The following FBXL17 variants were observed in gnomAD, a reference collection of about 807,000 sequenced individuals.
The protein encoded by FBXL17 is F-box and leucine rich repeat protein 17, also known as F-box/LRR-repeat protein 17.
Under a neutral mutation model 66.2 loss-of-function variants are expected in FBXL17, and 22 were observed. The observed-to-expected ratio is 0.33, with a 90% CI of 0.24 to 0.47. The LOEUF is 0.47. Ranked by LOEUF, FBXL17 falls within the 20% of genes least tolerant of loss-of-function variation. FBXL17 has a pLI of 1.00. For synonymous variants in FBXL17, 474 were observed against 400.5 expected, an observed-to-expected ratio of 1.18 and a Z score of -2.19; for missense variants, 878 against 948.2, an observed-to-expected ratio of 0.93 and a Z score of 0.97.
chr5:108,024,285 A>G (rs1424230217), intron 6 of FBXL17, among the ~76,000 whole-genome samples: 3 of 152,208 alleles, frequency 2.0e-5, no homozygotes, highest in Admixed American at 6.6e-5. Flanking sequence ...GCTGAGGAAT[A>G]TCAAATACTT....
chr5:108,369,358 C>A (rs1748880315), intron 1 of FBXL17, among the ~76,000 whole-genome samples: 1 of 152,188 alleles, frequency 6.6e-6, no homozygotes, highest in South Asian at 2.1e-4. Flanking sequence ...TCTCATGTCT[C>A]CCTAAAATGT....
At chr5:108,012,506 G>A (rs1754213810) in intron 7 of FBXL17, among the ~76,000 whole-genome samples, 1 of 152,096 alleles carries the variant, frequency 6.6e-6, no homozygotes, top group Non-Finnish European at 1.5e-5. Flanking sequence ...AAATATGGCT[G>A]TCTGGATTTA....
At position 108,132,758 on chromosome 5, in the gene FBXL17, A is replaced by G. The variant is rs1162838834; in HGVS notation, c.1745+53359T>C. On this transcript the variant is annotated intron_variant, in intron 6 of 8. Transcript: ENST00000542267. ...ACTATGTAATAATGATGGTCTTACC[A>G]TACAAAGAAGTATCTGATTTCCCAG... Among the ~76,000 whole-genome samples, 12 of 152,294 alleles carry G rather than the reference A, an allele frequency of 7.9e-5. No individual in the cohort carries two copies. The East Asian group carries it at 2.3e-3, about 29-fold the overall frequency.
chr5:108,021,065 T>C (rs1754580331), intron 6 of FBXL17, 64 bp from the exon 7 acceptor site: 3 of 1,181,468 alleles, frequency 2.5e-6, no homozygotes, highest in African/African-American at 1.5e-5. Flanking sequence ...GGTTTGAATA[T>C]AATAGGAAGA....
chr5:108,252,141 T>C (rs1756382879), intron 4 of FBXL17, among the ~76,000 whole-genome samples: 1 of 152,120 alleles, frequency 6.6e-6, no homozygotes, highest in South Asian at 2.1e-4. Flanking sequence ...AGAGAACTTT[T>C]CCAATATTGG....
chr5:108,032,038 T>C (rs1474318566), intron 6 of FBXL17, among the ~76,000 whole-genome samples: 1 of 152,184 alleles, frequency 6.6e-6, no homozygotes, highest in African/African-American at 2.4e-5. Flanking sequence ...TCATTAATTA[T>C]TTGGATACAA....
chr5:108,221,561 T>C (rs1317102962), intron 5 of FBXL17, among the ~76,000 whole-genome samples: 2 of 152,144 alleles, frequency 1.3e-5, no homozygotes, highest in African/African-American at 4.8e-5. Context: ...TTTAGTGACA[T>C]CATGTATTAA....
At chr5:108,363,622 T>G (rs1748481078) in intron 3 of FBXL17, among the ~76,000 whole-genome samples, 1 of 151,972 alleles carries the variant, frequency 6.6e-6, no homozygotes, top group Non-Finnish European at 1.5e-5. Flanking sequence ...TCATAATACT[T>G]GATTAGCATA....
intron 5 of FBXL17, among the ~76,000 whole-genome samples, chr5:108,214,323 A>G (rs1054566441): frequency 4.0e-5 from 6 of 150,506 alleles, no homozygotes; most frequent in African/African-American, 1.5e-4. Flanking sequence ...GAATATTTTA[A>G]TTTTCATAAA....
In FBXL17 at chr5:107,946,255, TTATATATATATA is replaced by T. The variant is rs55643516; in HGVS notation, c.1823-65088_1823-65077del. On this transcript the variant is annotated intron_variant, in intron 7 of 8. Transcript: ENST00000542267. ...TATTATTACTTTTATCAATCTCATT[TTATATATATATA>T]TATATATATATATATATATATATAT... 5.5e-3 allele frequency among the ~76,000 whole-genome samples: 222 copies of T among 40,392 alleles called. 2 individuals carry two copies. The highest frequency in any genetic ancestry group is 0.012 in the African/African-American group (102 of 8,684). 26.5% of individuals were successfully genotyped at this position (40,392 alleles called of 152,430 possible).
At chr5:108,059,844 T>C (rs986181427) in intron 6 of FBXL17, among the ~76,000 whole-genome samples, 1 of 152,028 alleles carries the variant, frequency 6.6e-6, no homozygotes, top group African/African-American at 2.4e-5. Context: ...TTTATATGGA[T>C]AACTTGGGGG....
chr5:107,942,259 T>C (rs1359976547), intron 7 of FBXL17, among the ~76,000 whole-genome samples: 1 of 152,080 alleles, frequency 6.6e-6, no homozygotes, highest in Admixed American at 6.6e-5. Flanking sequence ...AAACAAAACT[T>C]TGTCCTCTTA....
At chr5:108,256,631 GAAGCTGTATTTTCTCCACCCAGACCC>G (rs1466361874) in intron 4 of FBXL17, among the ~76,000 whole-genome samples, 1 of 151,960 alleles carries the variant, frequency 6.6e-6, no homozygotes, top group East Asian at 1.9e-4. Flanking sequence ...AAATAAGGAT[GAAGCTGTATTTTCTCCACCCAGACCC>G]AACATATACA....
intron 7 of FBXL17, among the ~76,000 whole-genome samples, chr5:107,890,802 T>C (rs992123876): frequency 6.6e-6 from 1 of 152,122 alleles, no homozygotes; most frequent in African/African-American, 2.4e-5. Flanking sequence ...AAAAGTATTT[T>C]GATAGTGAAG....
chr5:108,025,825 T>G (rs889561964), intron 6 of FBXL17, among the ~76,000 whole-genome samples: 8 of 151,760 alleles, frequency 5.3e-5, no homozygotes, highest in Non-Finnish European at 1.2e-4. Flanking sequence ...ACAGTCCAAT[T>G]CCATGCTGCA....
intron 7 of FBXL17, among the ~76,000 whole-genome samples, chr5:107,909,819 G>A (rs2112545047): frequency 6.6e-6 from 1 of 152,278 alleles, no homozygotes; most frequent in South Asian, 2.1e-4. Context: ...CACTCTTGAA[G>A]CACTGGGATC....
intron 4 of FBXL17, among the ~76,000 whole-genome samples, chr5:108,257,708 G>C (rs1410890575): frequency 6.6e-6 from 1 of 152,078 alleles, no homozygotes; most frequent in African/African-American, 2.4e-5. Flanking sequence ...GAATTCTCAT[G>C]CCAAAATATG....
chr5:108,183,095 C>T (rs2150028635), intron 6 of FBXL17, among the ~76,000 whole-genome samples: 1 of 131,254 alleles, frequency 7.6e-6, no homozygotes. Context: ...GGCTGGAGTA[C>T]AATGGTGTGA....
intron 6 of FBXL17, among the ~76,000 whole-genome samples, chr5:108,115,641 A>C (rs1442824542): frequency 6.6e-6 from 1 of 152,134 alleles, no homozygotes; most frequent in African/African-American, 2.4e-5. Context: ...AAAAAAAAGA[A>C]GAGTAAAATC....
Sources: gnomAD v4.1 joint callset for allele counts (sites outside exome capture counted in the v4.1 genomes callset) on GRCh38, gnomAD v4.1.1 for gene constraint, MANE v1.5 for transcripts, NCBI Gene and HGNC (gene_info 2026-07-23, HGNC 2026-07-21) for gene names.